Variants in PLEKHM3 observed in about 807,000 individuals in gnomAD.
PLEKHM3 encodes the protein pleckstrin homology domain containing M3.
PLEKHM3 carries 45 observed loss-of-function variants against 81.8 expected under a neutral mutation model. That is an observed-to-expected ratio of 0.55 (90% confidence interval 0.43 to 0.71). The LOEUF (loss-of-function observed/expected upper bound fraction) is 0.71. PLEKHM3 is among the 30% of genes least tolerant of loss of function. The pLI is 0.00. For synonymous variants in PLEKHM3, 352 were observed against 356.4 expected (o/e 0.99, Z 0.14); for missense variants, 788 against 924.3 (o/e 0.85, Z 1.91).
At chr2:207,876,792 G>A (rs1018300336) in intron 6 of PLEKHM3, among the ~76,000 whole-genome samples, 2 of 152,198 alleles carry the variant, frequency 1.3e-5, no homozygotes, top group Non-Finnish European at 2.9e-5. Flanking sequence ...TTCCAACCAA[G>A]ATTCAGGTCT....
chr2:207,977,502 T>A lies in PLEKHM3; in HGVS notation c.695A>T (p.Tyr232Phe). The A allele has an allele frequency of 6.2e-7, 1 of 1,614,216 alleles. No individual in the cohort carries two copies. The highest frequency in any genetic ancestry group is 8.5e-7 in the Non-Finnish European group (1 of 1,180,020). Residue 232 changes from tyrosine (Y) to phenylalanine (F), a missense_variant, in exon 3 of 8, where the codon TAT (tyrosine) becomes TTT (phenylalanine). Tyr to Phe is a conservative substitution (Grantham distance 22). Transcript: ENST00000427836. Reference sequence around the variant, plus strand: ...TAAGTTGTAAGGTGAAAGTTCTGCATAACAGCTTTGCCAGTAACTGTCATG... The same window carrying A: ...TAAGTTGTAAGGTGAAAGTTCTGCAAAACAGCTTTGCCAGTAACTGTCATG... Reference protein sequence around the residue: ...KDHDSYWQSCYAELSPYNLYF... With the variant: ...KDHDSYWQSCFAELSPYNLYF...
intron 4 of PLEKHM3, among the ~76,000 whole-genome samples, chr2:207,940,075 G>T (rs1036947483): frequency 6.6e-6 from 1 of 152,094 alleles, no homozygotes; most frequent in Admixed American, 6.6e-5. Flanking sequence ...TGTTCCCAGG[G>T]GACAGGCTTC....
chr2:207,899,546 A>G (rs543272701), intron 6 of PLEKHM3, among the ~76,000 whole-genome samples: 1 of 152,342 alleles, frequency 6.6e-6, no homozygotes, highest in Non-Finnish European at 1.5e-5. Context: ...GAAAACACCC[A>G]GCGAGGGGCT....
intron 5 of PLEKHM3, chr2:207,929,811 G>T: frequency 1.6e-6 from 1 of 620,152 alleles, no homozygotes; most frequent in South Asian, 1.9e-5. Flanking sequence ...GATGCCCGGG[G>T]TTATGTCAGT....
intron 6 of PLEKHM3, among the ~76,000 whole-genome samples, chr2:207,908,155 T>C (rs1404096399): frequency 2.6e-5 from 4 of 152,206 alleles, no homozygotes; most frequent in Non-Finnish European, 5.9e-5. Context: ...TGAACATTTG[T>C]GTACAGGTTT....
intron 2 of PLEKHM3, among the ~76,000 whole-genome samples, chr2:207,983,973 C>A (rs1474160277): frequency 6.6e-6 from 1 of 152,196 alleles, no homozygotes; most frequent in African/African-American, 2.4e-5. Context: ...TCACGTCCCT[C>A]CTCAGGCTAA....
intron 5 of PLEKHM3, among the ~76,000 whole-genome samples, chr2:207,924,142 T>G (rs976089843): frequency 6.6e-6 from 1 of 150,842 alleles, no homozygotes; most frequent in Admixed American, 6.6e-5. Context: ...TGGCCTCAGG[T>G]GATCTGCCCA....
chr2:207,972,275 G>C (rs1691148825), intron 3 of PLEKHM3, among the ~76,000 whole-genome samples: 1 of 137,522 alleles, frequency 7.3e-6, no homozygotes, highest in Non-Finnish European at 1.5e-5. Flanking sequence ...TAGGTTCCAG[G>C]AACAGCAAGA....
chr2:207,854,894 C>A (rs1007728375), intron 7 of PLEKHM3, among the ~76,000 whole-genome samples: 4 of 152,142 alleles, frequency 2.6e-5, no homozygotes, highest in Non-Finnish European at 5.9e-5. Context: ...AGGAGTGATT[C>A]TTTTTTCTGG....
chr2:207,938,232 CA>C (rs1689821615), intron 4 of PLEKHM3, among the ~76,000 whole-genome samples: 1 of 152,126 alleles, frequency 6.6e-6, no homozygotes, highest in African/African-American at 2.4e-5. Context: ...AAGTTATCTT[CA>C]AAGAGATTTT....
At chr2:207,887,090 A>G (rs1687905515) in intron 6 of PLEKHM3, among the ~76,000 whole-genome samples, 1 of 152,234 alleles carries the variant, frequency 6.6e-6, no homozygotes, top group Non-Finnish European at 1.5e-5. Context: ...AATGTTAGTT[A>G]TTATTCTTAC....
chr2:207,982,513 T>TCA (rs551050744), intron 2 of PLEKHM3, among the ~76,000 whole-genome samples: 8,080 of 151,798 alleles, frequency 0.053, 681 homozygotes, highest in African/African-American at 0.18. Context: ...CAAGCAACCC[T>TCA]CTCACCTTGG....
At chr2:207,970,293 C>G (rs1691070732) in intron 3 of PLEKHM3, among the ~76,000 whole-genome samples, 1 of 151,706 alleles carries the variant, frequency 6.6e-6, no homozygotes, top group African/African-American at 2.4e-5. Context: ...AACTCTCTCT[C>G]TCTCAAACAC....
intron 3 of PLEKHM3, among the ~76,000 whole-genome samples, chr2:207,972,251 A>G (rs576036705): frequency 6.7e-6 from 1 of 149,378 alleles, no homozygotes; most frequent in South Asian, 2.2e-4. Flanking sequence ...TCCTAGAGGT[A>G]GGCATGATAA....
At chr2:207,886,240 C>T (rs1215952633) in intron 6 of PLEKHM3, among the ~76,000 whole-genome samples, 1 of 152,092 alleles carries the variant, frequency 6.6e-6, no homozygotes, top group Admixed American at 6.5e-5. Context: ...AGATGAGCCC[C>T]AAGCCCACGG....
intron 3 of PLEKHM3, among the ~76,000 whole-genome samples, chr2:207,968,153 A>C (rs1690983136): frequency 6.6e-6 from 1 of 151,942 alleles, no homozygotes; most frequent in Admixed American, 6.6e-5. Flanking sequence ...GCTATATAGC[A>C]CAGACCTGAC....
chr2:207,938,304 A>G (rs2105953502), intron 4 of PLEKHM3, among the ~76,000 whole-genome samples: 1 of 152,352 alleles, frequency 6.6e-6, no homozygotes, highest in Non-Finnish European at 1.5e-5. Flanking sequence ...TTGGAGCTCA[A>G]TTCAATCTTC....
chr2:207,877,129 A>G (rs978051071), intron 6 of PLEKHM3, among the ~76,000 whole-genome samples: 2 of 152,230 alleles, frequency 1.3e-5, no homozygotes, highest in African/African-American at 4.8e-5. Context: ...ATAGGAGGGC[A>G]TTCAAAGATA....
chr2:207,958,510 C>G (rs190439866), intron 3 of PLEKHM3, among the ~76,000 whole-genome samples: 118 of 152,264 alleles, frequency 7.7e-4, no homozygotes, highest in African/African-American at 2.8e-3. Flanking sequence ...TATTCTCCTG[C>G]AATCTCAGAC....
Sources: gnomAD v4.1 joint callset for allele counts (sites outside exome capture counted in the v4.1 genomes callset) on GRCh38, gnomAD v4.1.1 for gene constraint, MANE v1.5 for transcripts, NCBI Gene and HGNC (gene_info 2026-07-23, HGNC 2026-07-21) for gene names.